Variants in TSPO2 observed in about 807,000 individuals in gnomAD.
TSPO2 encodes the protein benzodiazapine receptor (peripheral)-like 1.
TSPO2 carries 15 observed loss-of-function variants against 13.3 expected under a neutral mutation model. The observed-to-expected ratio is 1.13, with a 90% CI of 0.75 to 1.73. TSPO2 has a LOEUF of 1.73. Among genes scored for constraint, TSPO2 ranks in the 40% most tolerant of loss-of-function variants. The probability of loss-of-function intolerance (pLI) is 0.00; values close to 1 mark genes in which losing one functional copy is unlikely to be tolerated. For synonymous variants in TSPO2, 81 were observed against 91.6 expected, an observed-to-expected ratio of 0.88 and a Z score of 0.66; for missense variants, 202 against 198.3, an observed-to-expected ratio of 1.02 and a Z score of -0.11.
At chr6:41,041,866 T>C (rs1762593172), upstream of TSPO2, among the ~76,000 whole-genome samples, 1 of 151,794 alleles carries the variant, frequency 6.6e-6, no homozygotes, top group Non-Finnish European at 1.5e-5. Flanking sequence ...TCCCAGCTAC[T>C]AGGGAGGCTG....
chr6:41,041,923 C>A (rs1438585782), upstream of TSPO2, among the ~76,000 whole-genome samples: 1 of 151,028 alleles, frequency 6.6e-6, no homozygotes, highest in Non-Finnish European at 1.5e-5. Flanking sequence ...TGCAGTGAGC[C>A]GAGATTGCAC....
Position 41,044,212 on chromosome 6 carries a change from G to T in TSPO2, c.*75G>T, listed in dbSNP as rs1581983756. The T allele has an allele frequency of 6.5e-7, 1 of 1,533,618 alleles. No homozygotes were observed. The highest frequency in any genetic ancestry group is 2.3e-5 in the East Asian group (1 of 43,674). On this transcript the variant is annotated 3_prime_UTR_variant, in exon 4 of 4. Transcript: ENST00000373161. ...CTGCAAGCAGGGCTGTGGAGTTAGGGTTCACCCCAATGGGACCACCCTCCT... is the reference window on the plus strand; with the variant it reads ...CTGCAAGCAGGGCTGTGGAGTTAGGTTTCACCCCAATGGGACCACCCTCCT...
At chr6:41,043,799 G>A in intron 3 of TSPO2, 101 bp downstream of exon 3, 1 of 1,544,302 alleles carries the variant, frequency 6.5e-7, no homozygotes. Context: ...GTGCAGGCAG[G>A]TAATGGGTGG....
chr6:41,042,322 C>T (rs1180323584), upstream of TSPO2, among the ~76,000 whole-genome samples: 1 of 152,176 alleles, frequency 6.6e-6, no homozygotes, highest in Non-Finnish European at 1.5e-5. Flanking sequence ...AGCTCATACC[C>T]CATGGCTCCA....
At chr6:41,041,835 C>G (rs953876814), upstream of TSPO2, among the ~76,000 whole-genome samples, 4 of 152,100 alleles carry the variant, frequency 2.6e-5, no homozygotes, top group African/African-American at 9.7e-5. Flanking sequence ...ATTAGCCGGG[C>G]ATGGTGGCGC....
At chr6:41,042,020 T>C (rs1206088050), upstream of TSPO2, among the ~76,000 whole-genome samples, 1 of 151,564 alleles carries the variant, frequency 6.6e-6, no homozygotes, top group Non-Finnish European at 1.5e-5. Context: ...CAGTCCAGAA[T>C]ACTGAAAATA....
In TSPO2 at chr6:41,043,090, G is replaced by T. The variant is rs1035471187; in HGVS notation, c.105G>T (p.Arg35Ser). 4 of 1,614,046 alleles carry T rather than the reference G, an allele frequency of 2.5e-6. No homozygotes were observed. The highest frequency in any genetic ancestry group is 3.4e-6 in the Non-Finnish European group (4 of 1,180,034). ...TGTCTGGTTGGTGTGAGGGCCCGAG[G>T]ATGCTGTCCTGGTGCCCATTCTACA... Reference protein sequence around the residue: ...DHMSGWCEGPRMLSWCPFYKV... With the variant: ...DHMSGWCEGPSMLSWCPFYKV... Residue 35 changes from arginine (R) to serine (S), a missense_variant, in exon 2 of 4, where the codon AGG becomes AGT. Arg to Ser is a moderately radical substitution (Grantham distance 110, BLOSUM62 -1). Coordinates refer to ENST00000373161, the MANE Select transcript of TSPO2 (RefSeq NM_001010873.3).
intron 3 of TSPO2, 39 bp from the exon 4 acceptor site, chr6:41,043,901 T>C: frequency 6.3e-7 from 1 of 1,594,790 alleles, no homozygotes; most frequent in Non-Finnish European, 8.5e-7. Context: ...GAGGTGCTGG[T>C]TCTCGGGCAG....
chr6:41,041,954 A>T (rs566105010), upstream of TSPO2, among the ~76,000 whole-genome samples: 1 of 152,132 alleles, frequency 6.6e-6, no homozygotes, highest in Middle Eastern at 3.2e-3. Context: ...CAGCCTGGAC[A>T]ACAAGAGTGA....
In TSPO2 at chr6:41,043,660, G is replaced by C; in HGVS notation, c.277G>C (p.Val93Leu). The change falls in exon 3 of 4, where the codon GTC (valine) becomes CTC (leucine). Residue 93 changes from valine (V) to leucine (L), a missense_variant. Coordinates refer to ENST00000373161, the MANE Select transcript of TSPO2 (RefSeq NM_001010873.3). ...TGTTCAGCTCACCATCAGCTGGACTGTCCTGGTTCTCTTTTTCACAGTCCA... is the reference window on the plus strand; with the variant it reads ...TGTTCAGCTCACCATCAGCTGGACTCTCCTGGTTCTCTTTTTCACAGTCCA... The part of the protein sequence containing the change: ...YAVQLTISWT[V>L]LVLFFTVHNP... 3 of 1,612,276 alleles carry C rather than the reference G, an allele frequency of 1.9e-6. No homozygotes were observed. Among genetic ancestry groups the C allele is most frequent in the Non-Finnish European group, 2.5e-6 (3 of 1,178,954 alleles).
At chr6:41,043,520 C>G in intron 2 of TSPO2, 37 bp from the exon 3 acceptor site, 2 of 1,544,814 alleles carry the variant, frequency 1.3e-6, no homozygotes, top group Non-Finnish European at 1.7e-6. Flanking sequence ...CACGGAACCT[C>G]CTCCCACTGA....
At chr6:41,043,514 G>A (rs1156596046) in intron 2 of TSPO2, 43 bp from the exon 3 acceptor site, 1 of 1,536,476 alleles carries the variant, frequency 6.5e-7, no homozygotes, top group Non-Finnish European at 8.8e-7. Context: ...ATTTGCCACG[G>A]AACCTCCTCC....
chr6:41,043,463 A>T, intron 2 of TSPO2, 94 bp from the exon 3 acceptor site: 1 of 1,477,460 alleles, frequency 6.8e-7, no homozygotes. Context: ...ATTTCAGCCC[A>T]CAAGGGTATC....
At position 41,043,586 on chromosome 6, in the gene TSPO2, TG is replaced by T; in HGVS notation, c.206del (p.Gly69GlufsTer50). The stretch of plus-strand genomic sequence containing the variant: ...GCCTCCTACCTGGTGTGGAAGGACC[TG>T]GGAGGGGGCTTGGGGTGGCCCCTGG... ...GYASYLVWKDLGGGLGWPLAL... is the reference protein window; with the variant it reads ...GYASYLVWKDXGGGLGWPLAL... On this transcript the variant is annotated frameshift_variant, in exon 3 of 4. Coordinates refer to ENST00000373161, the MANE Select transcript of TSPO2 (RefSeq NM_001010873.3). LOFTEE classifies it high-confidence loss of function. 6.2e-7 allele frequency: 1 copy of T among 1,609,128 alleles called. No individual in the cohort carries two copies. The highest frequency in any genetic ancestry group is 1.1e-5 in the South Asian group (1 of 90,614).
Position 41,044,316 on chromosome 6 carries a change from A to G in TSPO2, c.*179A>G. 1 of 617,418 alleles carries G rather than the reference A, an allele frequency of 1.6e-6. No individual in the cohort carries two copies. The highest frequency in any genetic ancestry group is 1.9e-5 in the South Asian group (1 of 51,346). 38.2% of individuals were successfully genotyped at this position (617,418 alleles called of 1,614,324 possible). A position where few individuals can be genotyped will look rare whatever the true frequency, so the allele number is the denominator to read the frequency against. On this transcript the variant is annotated 3_prime_UTR_variant, in exon 4 of 4. Coordinates refer to ENST00000373161, the MANE Select transcript of TSPO2 (RefSeq NM_001010873.3). ...AAACTGATTTTACACTTAAATAATA[A>G]AATCCTATTAGTAACTCTGAAGGTA...
At chr6:41,041,553 G>A (rs116745942), upstream of TSPO2, among the ~76,000 whole-genome samples, 1,564 of 152,312 alleles carry the variant, frequency 0.01, 18 homozygotes, top group Non-Finnish European at 0.017. Context: ...TAGAAAAACA[G>A]GAAGGCAGAA....
In TSPO2 at chr6:41,042,767, G is replaced by A; in HGVS notation, c.-32G>A. ...GAGAAAAGAAGTCCATGGAAGCCAG[G>A]AGATGGGCAAGGTGTGGCCTGGGGT... On this transcript the variant is annotated 5_prime_UTR_variant, in exon 1 of 4. Coordinates refer to ENST00000373161, the MANE Select transcript of TSPO2 (RefSeq NM_001010873.3). 1.4e-6 allele frequency: 1 copy of A among 694,546 alleles called. No individual in the cohort carries two copies. The highest frequency in any genetic ancestry group is 2.6e-6 in the Non-Finnish European group (1 of 380,568). The allele number at this position is 694,546 out of a possible 1,614,324, so 43.0% of individuals were successfully genotyped here.
chr6:41,042,368 T>C (rs1420356097), upstream of TSPO2, among the ~76,000 whole-genome samples: 1 of 152,122 alleles, frequency 6.6e-6, no homozygotes, highest in East Asian at 1.9e-4. Flanking sequence ...GAAAAAGGAA[T>C]CCACGGTGTC....
chr6:41,043,743 T>A, intron 3 of TSPO2, 45 bp downstream of exon 3: 1 of 1,566,916 alleles, frequency 6.4e-7, no homozygotes, highest in South Asian at 1.2e-5. Flanking sequence ...TGGGAGAGGG[T>A]GAAACCACCT....
Sources: gnomAD v4.1 joint callset for allele counts (sites outside exome capture counted in the v4.1 genomes callset) on GRCh38, gnomAD v4.1.1 for gene constraint, MANE v1.5 for transcripts, NCBI Gene and HGNC (gene_info 2026-07-23, HGNC 2026-07-21) for gene names.